SLCO6A1: variants seen among roughly 807,000 people sequenced by gnomAD.
SLCO6A1 encodes cancer/testis antigen 48.
SLCO6A1 carries 65 observed loss-of-function variants against 72.7 expected under a neutral mutation model. That is an observed-to-expected ratio of 0.89 (90% CI 0.73 to 1.10). The LOEUF is 1.10. SLCO6A1 is among the 50% of genes least tolerant of loss of function. The pLI is 0.00. For synonymous variants in SLCO6A1, 314 were observed against 298.2 expected, an observed-to-expected ratio of 1.05 and a Z score of -0.55; for missense variants, 874 against 872.6, an observed-to-expected ratio of 1.00 and a Z score of -0.02.
intron 6 of SLCO6A1, among the ~76,000 whole-genome samples, chr5:102,442,655 T>C (rs186007826): frequency 6.6e-6 from 1 of 152,334 alleles, no homozygotes; most frequent in Admixed American, 6.5e-5. Context: ...CTCTTTCAGA[T>C]TAAAAGGAAC....
rs770825235 is a variant in SLCO6A1, at chr5:102,446,767, G to GTTTTTTGTTTTT, written c.1132-8007_1132-8006insAAAAACAAAAAA. On this transcript the variant is annotated intron_variant, in intron 6 of 13. Coordinates refer to ENST00000506729, the MANE Select transcript of SLCO6A1 (RefSeq NM_173488.5). ...TTTGTTGAAACGTTTTTTGTTTTTT[G>GTTTTTTGTTTTT]TTTTTGAGATGGAGACTCACTCTGT... is the stretch of plus-strand genomic sequence containing the variant. 5.5e-3 allele frequency among the ~76,000 whole-genome samples: 839 copies of GTTTTTTGTTTTT among 151,920 alleles called. 1 individual carries two copies. Among genetic ancestry groups the GTTTTTTGTTTTT allele is most frequent in the Non-Finnish European group, 8.9e-3 (605 of 67,916 alleles).
intron 7 of SLCO6A1, among the ~76,000 whole-genome samples, chr5:102,434,634 T>C (rs1180565280): frequency 6.6e-6 from 1 of 152,192 alleles, no homozygotes; most frequent in Non-Finnish European, 1.5e-5. Context: ...CTGAGCACTC[T>C]TGGCAACAAC....
intron 4 of SLCO6A1, among the ~76,000 whole-genome samples, chr5:102,460,032 C>T (rs1161917682): frequency 1.3e-5 from 2 of 151,968 alleles, no homozygotes; most frequent in African/African-American, 4.8e-5. Context: ...CTTGGCACCA[C>T]TCAGGTAGCA....
At chr5:102,382,688 C>G (rs1341769659) in intron 12 of SLCO6A1, among the ~76,000 whole-genome samples, 1 of 151,372 alleles carries the variant, frequency 6.6e-6, no homozygotes, top group African/African-American at 2.4e-5. Context: ...TTTCAACATA[C>G]AGATCTTTTA....
chr5:102,486,700 ATTGT>A (rs1752455698), intron 1 of SLCO6A1, among the ~76,000 whole-genome samples: 1 of 152,104 alleles, frequency 6.6e-6, no homozygotes, highest in Admixed American at 6.5e-5. Context: ...ACAATTAGGA[ATTGT>A]TTGTGTACCA....
Position 102,480,178 on chromosome 5 carries a change from T to G in SLCO6A1, c.615A>C (p.Glu205Asp), listed in dbSNP as rs140918349. Reference protein sequence around the residue: ...EENKQSKVGIEDICEEIKVVS... With the variant: ...EENKQSKVGIDDICEEIKVVS... ...TGACAGTATATTTTAAAACCTTACC[T>G]TCAATTCCTACCTTACTTTGTTTAT... The change falls in exon 2 of 14, where the codon GAA becomes GAC. Residue 205 changes from glutamate to aspartate, a missense_variant and splice_region_variant. Physicochemically the swap from Glu to Asp is conservative, Grantham distance 45. Coordinates refer to ENST00000506729, the MANE Select transcript of SLCO6A1 (RefSeq NM_173488.5). 2 of 1,604,696 alleles carry G rather than the reference T, an allele frequency of 1.2e-6. No individual in the cohort carries two copies. Among genetic ancestry groups the G allele is most frequent in the African/African-American group, 2.7e-5 (2 of 74,408 alleles).
intron 7 of SLCO6A1, among the ~76,000 whole-genome samples, chr5:102,423,177 A>C (rs1748700734): frequency 6.6e-6 from 1 of 152,012 alleles, no homozygotes; most frequent in Non-Finnish European, 1.5e-5. Context: ...AAACACCAAA[A>C]TATCATGACC....
intron 6 of SLCO6A1, among the ~76,000 whole-genome samples, chr5:102,450,309 T>C (rs1248715592): frequency 6.6e-6 from 1 of 152,240 alleles, no homozygotes; most frequent in Non-Finnish European, 1.5e-5. Flanking sequence ...ACTTCATTTC[T>C]GGATGTTTTC....
intron 7 of SLCO6A1, among the ~76,000 whole-genome samples, chr5:102,430,915 A>G (rs1749180398): frequency 6.6e-6 from 1 of 152,050 alleles, no homozygotes; most frequent in African/African-American, 2.4e-5. Flanking sequence ...CTGTGAATCC[A>G]TCTAATCCTG....
chr5:102,434,091 A>G (rs1039818631), intron 7 of SLCO6A1, among the ~76,000 whole-genome samples: 1 of 152,028 alleles, frequency 6.6e-6, no homozygotes, highest in African/African-American at 2.4e-5. Flanking sequence ...TATATTTAAC[A>G]TAACTACTAA....
At chr5:102,416,599 C>T (rs1748300284) in intron 8 of SLCO6A1, among the ~76,000 whole-genome samples, 1 of 151,840 alleles carries the variant, frequency 6.6e-6, no homozygotes. Flanking sequence ...GAGAAGGTGA[C>T]AGATAATGAG....
intron 8 of SLCO6A1, among the ~76,000 whole-genome samples, chr5:102,415,679 A>T (rs1411657563): frequency 6.6e-6 from 1 of 152,204 alleles, no homozygotes; most frequent in Non-Finnish European, 1.5e-5. Flanking sequence ...CCTCAAAAGC[A>T]CCAGCAACCA....
chr5:102,485,706 C>T (rs1752418701), intron 1 of SLCO6A1, among the ~76,000 whole-genome samples: 1 of 152,188 alleles, frequency 6.6e-6, no homozygotes, highest in African/African-American at 2.4e-5. Context: ...CAGACTTCAT[C>T]CCATGTGCCT....
At chr5:102,434,890 C>G (rs1446244286) in intron 7 of SLCO6A1, among the ~76,000 whole-genome samples, 1 of 152,006 alleles carries the variant, frequency 6.6e-6, no homozygotes, top group African/African-American at 2.4e-5. Flanking sequence ...GTGCAATTAC[C>G]CTGAGTGTAA....
chr5:102,463,896 GAA>G (rs397697671), intron 4 of SLCO6A1, among the ~76,000 whole-genome samples: 21 of 137,080 alleles, frequency 1.5e-4, no homozygotes, highest in Non-Finnish European at 2.3e-4. Flanking sequence ...CAAAAAAGAA[GAA>G]AAAAAAAAAA....
chr5:102,451,759 T>G (rs2112727291), intron 6 of SLCO6A1, among the ~76,000 whole-genome samples: 1 of 152,342 alleles, frequency 6.6e-6, no homozygotes, highest in East Asian at 1.9e-4. Flanking sequence ...TGTTGCTTCC[T>G]TGATGAATCC....
chr5:102,373,403 A>C lies in SLCO6A1; in HGVS notation c.2109T>G (p.Asp703Glu). The change falls in exon 13 of 14, where the codon GAT (aspartate) becomes GAG (glutamate). Residue 703 changes from aspartate (D) to glutamate (E), a missense_variant. Physicochemically the swap from Asp to Glu is conservative, Grantham distance 45. Transcript: ENST00000506729. ...TAACTTTTGGATTCTTCACAGTTAC[A>C]TCTGGGAAGTCAGTGTTCTCATTTA... ...RRLNENTDFP[D>E]VTVKNPKVKK... 2 of 1,585,322 alleles carry C rather than the reference A, an allele frequency of 1.3e-6. No individual in the cohort carries two copies. Among genetic ancestry groups the C allele is most frequent in the Admixed American group, 1.8e-5 (1 of 55,140 alleles).
chr5:102,483,363 C>T (rs1157904914), intron 1 of SLCO6A1, among the ~76,000 whole-genome samples: 2 of 152,146 alleles, frequency 1.3e-5, no homozygotes, highest in African/African-American at 4.8e-5. Flanking sequence ...AAGGCCTCCC[C>T]TAAGTCTATA....
intron 1 of SLCO6A1, among the ~76,000 whole-genome samples, chr5:102,497,667 TCTAAC>T (rs1382274175): frequency 6.6e-6 from 1 of 152,218 alleles, no homozygotes; most frequent in Non-Finnish European, 1.5e-5. Context: ...CCTTCTTGCT[TCTAAC>T]CTTTAAACTC....
Sources: allele counts gnomAD v4.1 joint callset (sites outside exome capture counted in the v4.1 genomes callset), GRCh38; gene constraint gnomAD v4.1.1; transcripts MANE v1.5; gene names NCBI Gene and HGNC (gene_info 2026-07-23, HGNC 2026-07-21).